Variants in MYBPC3 observed in about 807,000 individuals in gnomAD.
MYBPC3 encodes myosin binding protein C3.
In MYBPC3, 108 loss-of-function variants were observed where a neutral mutation model predicts 159.3. The ratio of observed to expected loss-of-function variants is 0.68; its 90% CI spans 0.58 to 0.80. The LOEUF (loss-of-function observed/expected upper bound fraction) is 0.80, where lower values mean the gene tolerates loss of function less well. Among genes scored for constraint, MYBPC3 ranks in the 30% least tolerant of loss-of-function variants. The pLI is 0.00. For synonymous variants in MYBPC3, 730 were observed against 702.0 expected (o/e 1.04, Z -0.63); for missense variants, 1,631 against 1,762.1 (o/e 0.93, Z 1.33).
At chr11:47,348,909 T>TATATATACATAC (rs2095897399) in intron 5 of MYBPC3, among the ~76,000 whole-genome samples, 2 of 21,616 alleles carry the variant, frequency 9.3e-5, no homozygotes, top group African/African-American at 5.1e-4. Flanking sequence ...TGTCTCAAAT[T>TATATATACATAC]ATATATATAT....
chr11:47,341,109 C>A, intron 19 of MYBPC3, 29 bp downstream of exon 19: 1 of 1,570,974 alleles, frequency 6.4e-7, no homozygotes, highest in Non-Finnish European at 8.7e-7. Flanking sequence ...CCCACTGCCC[C>A]GACCCACCCT....
In MYBPC3 at chr11:47,346,140, C is replaced by A; in HGVS notation, c.1090+67G>T. 6.3e-7 allele frequency: 1 copy of A among 1,595,700 alleles called. No individual in the cohort carries two copies. The highest frequency in any genetic ancestry group is 8.5e-7 in the Non-Finnish European group (1 of 1,169,642). On this transcript the variant is annotated intron_variant, in intron 12 of 34. Transcript: ENST00000545968. The surrounding 1 kb of genome is among the most constrained non-coding windows in gnomAD (Gnocchi z 5.3). ...CTGTGGGGAAGGGCTAACCTATGCC[C>A]TCTCCTCTCCTGTGTAGGGAAGGGC...
rs2095884837 is a variant in MYBPC3 at position 47,338,505 on chromosome 11, C to T, written c.2308+15G>A. 7 of 1,613,788 alleles carry T rather than the reference C, an allele frequency of 4.3e-6. No homozygotes were observed. The highest frequency in any genetic ancestry group is 5.1e-6 in the Non-Finnish European group (6 of 1,179,840). ...CCCCTCTGTGTTCTCCAGCTTGGAC[C>T]CCGGCCGGCCTCACCGATGACCTTG... On this transcript the variant is annotated intron_variant, in intron 23 of 34. Coordinates refer to ENST00000545968, the MANE Select transcript of MYBPC3 (RefSeq NM_000256.3). This position sits in a 1 kb window ranked among gnomAD's most constrained non-coding sequence, Gnocchi z 4.7.
rs2095883992 is a variant in MYBPC3 at position 47,337,748 on chromosome 11, C to G, written c.2355G>C (p.Glu785Asp). 2 of 1,557,684 alleles carry G rather than the reference C, an allele frequency of 1.3e-6. No individual in the cohort carries two copies. Among genetic ancestry groups the G allele is most frequent in the Non-Finnish European group, 1.7e-6 (2 of 1,150,742 alleles). Reference protein sequence around the residue: ...PAAPKISNVGEDSCTVQWEPP... With the variant: ...PAAPKISNVGDDSCTVQWEPP... The stretch of plus-strand genomic sequence containing the variant: ...GCTCCCACTGTACTGTGCAGGAGTC[C>G]TCTCCCACGTTGCTGATCTTGGGGG... The change falls in exon 24 of 35, where the codon GAG becomes GAC. Residue 785 changes from glutamate (E) to aspartate (D), a missense_variant. By Grantham distance (45) the Glu-to-Asp change is conservative (BLOSUM62 2). Transcript: ENST00000545968.
At chr11:47,343,657 C>T (rs776595020) in intron 12 of MYBPC3, 33 bp from the exon 13 acceptor site, 3 of 1,561,978 alleles carry the variant, frequency 1.9e-6, no homozygotes, top group Middle Eastern at 1.9e-4. Flanking sequence ...GGCCACCCCA[C>T]CGCCCGCACC....
chr11:47,331,841 A>G lies in MYBPC3; in HGVS notation c.*26+4T>C, dbSNP rs995575478. On this transcript the variant is annotated splice_donor_region_variant and intron_variant, in intron 34 of 34. Coordinates refer to ENST00000545968, the MANE Select transcript of MYBPC3 (RefSeq NM_000256.3). ...TTGTGCCCTGGGTGTCGGGTGGTAC[A>G]TACCTGGCCATCCCCAGGAGCCAGC... The G allele has an allele frequency of 6.2e-7, 1 of 1,604,660 alleles. No homozygotes were observed. The highest frequency in any genetic ancestry group is 8.5e-7 in the Non-Finnish European group (1 of 1,176,104).
chr11:47,339,471 T>A, intron 21 of MYBPC3, 67 bp from the exon 22 acceptor site: 1 of 1,554,002 alleles, frequency 6.4e-7, no homozygotes, highest in Non-Finnish European at 8.9e-7. Context: ...GCCCCTCTGC[T>A]GCTTCTTCCA....
At chr11:47,344,031 C>T (rs1167967105) in intron 12 of MYBPC3, among the ~76,000 whole-genome samples, 3 of 152,198 alleles carry the variant, frequency 2.0e-5, no homozygotes, top group Admixed American at 6.5e-5. Context: ...TCAGGTGATG[C>T]GCCCGCCTCA....
chr11:47,350,747 T>G, intron 2 of MYBPC3, 132 bp from the exon 3 acceptor site: 1 of 1,337,978 alleles, frequency 7.5e-7, no homozygotes. Context: ...TCCCGCTGCC[T>G]GGGCCCCTCA....
rs2095881856 is a variant in MYBPC3, at chr11:47,335,947, C to T, written c.2667G>A (p.Lys889=). ...EDVSDTTVSL[K]WRPPERVGAG... ...CTCCCACGCGCTCTGGGGGCCGCCA[C>T]TTGAGGGAGACCGTGGTGTCAGAGA... is the stretch of plus-strand genomic sequence containing the variant. Residue 889 remains lysine (K), a synonymous_variant, in exon 26 of 35, where the codon AAG becomes AAA. Transcript: ENST00000545968. 6.4e-7 allele frequency: 1 copy of T among 1,567,338 alleles called. No individual in the cohort carries two copies. The highest frequency in any genetic ancestry group is 8.6e-7 in the Non-Finnish European group (1 of 1,157,464).
rs138589745 is a variant in MYBPC3 at position 47,338,099 on chromosome 11, G to C, written c.2309-305C>G. On this transcript the variant is annotated intron_variant, in intron 23 of 34. Coordinates refer to ENST00000545968, the MANE Select transcript of MYBPC3 (RefSeq NM_000256.3). The surrounding 1 kb of genome is among the most constrained non-coding windows in gnomAD (Gnocchi z 4.7). ...CCATATTCACCCCTGTCCTGGCTCT[G>C]ATCCTCCCAACCCCACCCAGTCCTC... is the stretch of plus-strand genomic sequence containing the variant. Among the ~76,000 whole-genome samples, 1 of 151,638 alleles carries C rather than the reference G, an allele frequency of 6.6e-6. No homozygotes were observed. The highest frequency in any genetic ancestry group is 2.4e-5 in the African/African-American group (1 of 41,304).
In MYBPC3 at chr11:47,332,619, C is replaced by G; in HGVS notation, c.3574G>C (p.Val1192Leu). 6.2e-7 allele frequency: 1 copy of G among 1,613,930 alleles called. No homozygotes were observed. Among genetic ancestry groups the G allele is most frequent in the Non-Finnish European group, 8.5e-7 (1 of 1,179,872 alleles). The part of the protein sequence containing the change: ...SFTQPLVNRS[V>L]IAGYTAMLCC... ...AGCATAGCAGTGTAGCCCGCGATGA[C>G]CGAGCGGTTCACCAGGGGCTGGGTG... The change falls in exon 32 of 35, where the codon GTC becomes CTC. Residue 1192 changes from valine (V) to leucine (L), a missense_variant. Transcript: ENST00000545968. This position sits in a 1 kb window ranked among gnomAD's most constrained non-coding sequence, Gnocchi z 4.2.
rs371401403 is a variant in MYBPC3, at chr11:47,335,996, G to A, written c.2618C>T (p.Pro873Leu). 2.8e-5 allele frequency: 43 copies of A among 1,528,322 alleles called. No homozygotes were observed. In the Admixed American group the frequency reaches 3.0e-4, roughly 11 times the overall value. 94.7% of individuals were successfully genotyped at this position (1,528,322 alleles called of 1,614,324 possible). A position where few individuals can be genotyped will look rare whatever the true frequency, so the allele number is the denominator to read the frequency against. ...PFMPIGPPSE[P>L]THLAVEDVSD... ...GACGTCCTCTACTGCCAGGTGGGTG[G>A]GTTCGCTGGGGGGACCTGGGCAGAG... The change falls in exon 26 of 35, where the codon CCC (proline) becomes CTC (leucine). Residue 873 changes from proline (P) to leucine (L), a missense_variant. Transcript: ENST00000545968.
Position 47,335,988 on chromosome 11 carries a change from G to C in MYBPC3, c.2626C>G (p.Leu876Val), listed in dbSNP as rs1171955791. 2 of 1,537,056 alleles carry C rather than the reference G, an allele frequency of 1.3e-6. No individual in the cohort carries two copies. ...GTGTCAGAGACGTCCTCTACTGCCAGGTGGGTGGGTTCGCTGGGGGGACCT... is the reference window on the plus strand; with the variant it reads ...GTGTCAGAGACGTCCTCTACTGCCACGTGGGTGGGTTCGCTGGGGGGACCT... The part of the protein sequence containing the change: ...PIGPPSEPTH[L>V]AVEDVSDTTV... Residue 876 changes from leucine to valine, a missense_variant, in exon 26 of 35, where the codon CTG becomes GTG. Coordinates refer to ENST00000545968, the MANE Select transcript of MYBPC3 (RefSeq NM_000256.3).
At position 47,348,552 on chromosome 11, in the gene MYBPC3, G is replaced by A. The variant is rs2095896913; in HGVS notation, c.655-11C>T. 4 of 1,599,872 alleles carry A rather than the reference G, an allele frequency of 2.5e-6. No individual in the cohort carries two copies. The highest frequency in any genetic ancestry group is 2.2e-5 in the South Asian group (2 of 89,756). On this transcript the variant is annotated splice_polypyrimidine_tract_variant and intron_variant, in intron 5 of 34. Coordinates refer to ENST00000545968, the MANE Select transcript of MYBPC3 (RefSeq NM_000256.3). ...CTCGAACAGATAGACCTGTGTGCAT[G>A]GAGGGACGGGGCGTCAGGGGACACC...
chr11:47,352,654 A>G lies in MYBPC3; in HGVS notation c.-7T>C. On this transcript the variant is annotated 5_prime_UTR_variant, in exon 1 of 35. Coordinates refer to ENST00000545968, the MANE Select transcript of MYBPC3 (RefSeq NM_000256.3). ...TCTTCCCCGGCTCAGGCATCCTGAG[A>G]GACGTCACACCAGGCACGAAGCAGG... 1 of 1,593,194 alleles carries G rather than the reference A, an allele frequency of 6.3e-7. No homozygotes were observed. The highest frequency in any genetic ancestry group is 8.5e-7 in the Non-Finnish European group (1 of 1,169,984).
intron 27 of MYBPC3, 38 bp downstream of exon 27, chr11:47,335,004 C>A: frequency 6.9e-7 from 1 of 1,444,484 alleles, no homozygotes; most frequent in South Asian, 1.5e-5. Flanking sequence ...CCTGGGGTGT[C>A]AATGGCGGGT....
At chr11:47,349,293 T>C (rs2095897854) in intron 5 of MYBPC3, among the ~76,000 whole-genome samples, 1 of 152,018 alleles carries the variant, frequency 6.6e-6, no homozygotes, top group South Asian at 2.1e-4. Flanking sequence ...TAAGTGACCT[T>C]GGAGCAGCCA....
chr11:47,342,810 C>A lies in MYBPC3; in HGVS notation c.1457+20G>T, dbSNP rs377491959. 1,030 of 1,612,460 alleles carry A rather than the reference C, an allele frequency of 6.4e-4. 4 individuals are homozygous for A. Among genetic ancestry groups the A allele is most frequent in the Non-Finnish European group, 1.6e-4 (194 of 1,178,952 alleles). On this transcript the variant is annotated intron_variant, in intron 16 of 34. Transcript: ENST00000545968. The stretch of plus-strand genomic sequence containing the variant: ...GGGCAGATGCCCCCAACACCCATGC[C>A]CCGTGCTTCTGGAACTCACCATTTG...
Sources: gnomAD v4.1 joint callset for allele counts (sites outside exome capture counted in the v4.1 genomes callset) on GRCh38, gnomAD v4.1.1 for gene constraint, Gnocchi (gnomAD v3.1) non-coding constraint, MANE v1.5 for transcripts, NCBI Gene and HGNC (gene_info 2026-07-23, HGNC 2026-07-21) for gene names.